The following CACNA1B variants were observed in gnomAD, a reference collection of about 807,000 sequenced individuals.
The protein encoded by CACNA1B is calcium voltage-gated channel subunit alpha1 B.
In CACNA1B, 70 loss-of-function variants were observed where a neutral mutation model predicts 247.2. The observed-to-expected ratio is 0.28, with a 90% CI of 0.23 to 0.35. The LOEUF is 0.35. Among genes scored for constraint, CACNA1B ranks in the 10% least tolerant of loss-of-function variants. The probability of loss-of-function intolerance (pLI) is 1.00; values close to 1 mark genes in which losing one functional copy is unlikely to be tolerated. For missense variants in CACNA1B, 2,367 were observed against 3,197.4 expected, an observed-to-expected ratio of 0.74 and a Z score of 6.26; for synonymous variants, 1,231 against 1,294.4, an observed-to-expected ratio of 0.95 and a Z score of 1.05.
rs575560624 is a variant in CACNA1B at position 138,117,395 on chromosome 9, T to C, written c.5778-551T>C. On this transcript the variant is annotated intron_variant, in intron 42 of 46. Transcript: ENST00000371372. Reference sequence around the variant, plus strand: ...CCCGGGCGAGGCCCCCTACCCCCCGTCCCAGCCCGTCCCCTCCATGACAGC... The same window carrying C: ...CCCGGGCGAGGCCCCCTACCCCCCGCCCCAGCCCGTCCCCTCCATGACAGC... 4.6e-5 allele frequency among the ~76,000 whole-genome samples: 7 copies of C among 151,924 alleles called. No individual in the cohort carries two copies. In the South Asian group the frequency reaches 1.5e-3, roughly 32 times the overall value.
rs202245949 is a variant in CACNA1B, at chr9:138,023,329, G to A, written c.2586G>A (p.Ala862=). 305 of 1,504,186 alleles carry A rather than the reference G, an allele frequency of 2.0e-4. No homozygotes were observed. Among genetic ancestry groups the A allele is most frequent in the Non-Finnish European group, 2.6e-4 (294 of 1,135,054 alleles). The allele number at this position is 1,504,186 out of a possible 1,614,324, so 93.2% of individuals were successfully genotyped here. The stretch of plus-strand genomic sequence containing the variant: ...ACCGCGACAAGGACAAGACCCCCGC[G>A]GCGGGGGACCAGGACCGAGCAGAGG... ...HRHRDKDKTP[A]AGDQDRAEAP... is the part of the protein sequence containing the mutation. Residue 862 remains alanine (A), a synonymous_variant, in exon 19 of 47, where the codon GCG becomes GCA. Coordinates refer to ENST00000371372, the MANE Select transcript of CACNA1B (RefSeq NM_000718.4).
At chr9:137,920,912 G>A (rs970781744) in intron 6 of CACNA1B, among the ~76,000 whole-genome samples, 2 of 152,194 alleles carry the variant, frequency 1.3e-5, no homozygotes, top group African/African-American at 4.8e-5. Context: ...ACTTAGTTTT[G>A]TTATAGCAGA....
intron 38 of CACNA1B, among the ~76,000 whole-genome samples, chr9:138,105,477 C>T (rs940400862): frequency 6.6e-6 from 1 of 152,318 alleles, no homozygotes; most frequent in Admixed American, 6.5e-5. Context: ...TACTTTTCTG[C>T]AGCCAGGAGG....
chr9:137,988,765 C>A (rs1329406046), intron 15 of CACNA1B, among the ~76,000 whole-genome samples: 1 of 152,030 alleles, frequency 6.6e-6, no homozygotes, highest in Non-Finnish European at 1.5e-5. Flanking sequence ...TGGCTCAGCC[C>A]CCTCTGAGCA....
rs773469634 is a variant in CACNA1B at position 138,073,450 on chromosome 9, G to A, written c.4675-38G>A. 31 of 1,327,970 alleles carry A rather than the reference G, an allele frequency of 2.3e-5. No individual in the cohort carries two copies. The highest frequency in any genetic ancestry group is 3.3e-5 in the Non-Finnish European group (30 of 920,444). 82.3% of individuals were successfully genotyped at this position (1,327,970 alleles called of 1,614,324 possible). A position where few individuals can be genotyped will look rare whatever the true frequency, so the allele number is the denominator to read the frequency against. ...GCAGCAGCTTGCCTGCGCTTTCGGG[G>A]CTTCTGAAGGTCAGAGAACAATTCC... On this transcript the variant is annotated intron_variant, in intron 32 of 46. Transcript: ENST00000371372. This position sits in a 1 kb window ranked among gnomAD's most constrained non-coding sequence, Gnocchi z 6.4.
intron 31 of CACNA1B, among the ~76,000 whole-genome samples, chr9:138,066,576 A>G (rs1312068962): frequency 1.3e-5 from 2 of 152,242 alleles, no homozygotes; most frequent in Admixed American, 1.3e-4. Context: ...GAGCGATCAC[A>G]GGGCCTGTGT....
At position 138,023,444 on chromosome 9, in the gene CACNA1B, G is replaced by A. The variant is rs1958876283; in HGVS notation, c.2701G>A (p.Glu901Lys). The A allele has an allele frequency of 2.4e-6, 3 of 1,241,788 alleles. No individual in the cohort carries two copies. The highest frequency in any genetic ancestry group is 3.0e-6 in the Non-Finnish European group (3 of 995,354). The allele number at this position is 1,241,788 out of a possible 1,614,324, so 76.9% of individuals were successfully genotyped here. A position where few individuals can be genotyped will look rare whatever the true frequency, so the allele number is the denominator to read the frequency against. ...SHSKEAAGPP[E>K]ARSERGRGPG... The stretch of plus-strand genomic sequence containing the variant: ...CAGCAAGGAGGCCGCGGGGCCCCCG[G>A]AGGCGCGGAGCGAGCGCGGCCGAGG... Residue 901 changes from glutamate to lysine, a missense_variant, in exon 19 of 47, where the codon GAG becomes AAG. Physicochemically the swap from Glu to Lys is moderately conservative, Grantham distance 56. This residue lies in a region of CACNA1B where 631 missense variants were observed against 631.1 expected (regional missense o/e 1.00). Coordinates refer to ENST00000371372, the MANE Select transcript of CACNA1B (RefSeq NM_000718.4).
chr9:138,109,848 A>G (rs1961562392), intron 39 of CACNA1B, among the ~76,000 whole-genome samples: 1 of 152,202 alleles, frequency 6.6e-6, no homozygotes, highest in South Asian at 2.1e-4. Flanking sequence ...AAGCAGGCGG[A>G]TTACCTGAGG....
chr9:137,978,924 G>T (rs1478101253), intron 12 of CACNA1B, among the ~76,000 whole-genome samples: 1 of 152,200 alleles, frequency 6.6e-6, no homozygotes, highest in Non-Finnish European at 1.5e-5. Context: ...GAGACATGGA[G>T]ACCTGTGATT....
rs1307470614 is a variant in CACNA1B, at chr9:138,058,039, C to A, written c.4107-10C>A. ...GGGTTCCCCTGACACTTGCTCTCCTCTTTGCCCAGGGTGCTGAAACACTCC... is the reference window on the plus strand; with the variant it reads ...GGGTTCCCCTGACACTTGCTCTCCTATTTGCCCAGGGTGCTGAAACACTCC... On this transcript the variant is annotated splice_polypyrimidine_tract_variant and intron_variant, in intron 27 of 46. Transcript: ENST00000371372. This position sits in a 1 kb window ranked among gnomAD's most constrained non-coding sequence, Gnocchi z 4.7. The A allele has an allele frequency of 1.9e-6, 3 of 1,612,348 alleles. No individual in the cohort carries two copies. The African/African-American group carries it at 4.0e-5, about 22-fold the overall frequency.
At chr9:137,993,608 TA>T (rs1486673010) in intron 15 of CACNA1B, among the ~76,000 whole-genome samples, 1 of 152,148 alleles carries the variant, frequency 6.6e-6, no homozygotes, top group Non-Finnish European at 1.5e-5. Context: ...AGGAGATGGA[TA>T]AATTCCTGAA....
Position 138,043,920 on chromosome 9 carries a change from G to A in CACNA1B, c.3413+20G>A, listed in dbSNP as rs1564255356. 1 of 1,609,772 alleles carries A rather than the reference G, an allele frequency of 6.2e-7. No individual in the cohort carries two copies. Among genetic ancestry groups the A allele is most frequent in the South Asian group, 1.1e-5 (1 of 90,916 alleles). On this transcript the variant is annotated intron_variant, in intron 21 of 46. Coordinates refer to ENST00000371372, the MANE Select transcript of CACNA1B (RefSeq NM_000718.4). ...CAACCTGTGAGTCTCCTTGCCTGCT[G>A]GTGTGTGTGGCCGCCCACTCACCCA...
intron 1 of CACNA1B, among the ~76,000 whole-genome samples, chr9:137,878,451 G>A (rs901926384): frequency 1.3e-5 from 2 of 152,110 alleles, no homozygotes; most frequent in Non-Finnish European, 2.9e-5. Flanking sequence ...TCCGCACGCC[G>A]GGTCCTGGGG....
chr9:137,960,116 CTACTCTCAG>C, intron 10 of CACNA1B, among the ~76,000 whole-genome samples: 1 of 128,088 alleles, frequency 7.8e-6, no homozygotes, highest in African/African-American at 3.0e-5. Flanking sequence ...GCCTGAGGAA[CTACTCTCAG>C]GCCGACCTGG....
chr9:138,075,999 G>A, intron 35 of CACNA1B, 89 bp downstream of exon 35: 1 of 839,956 alleles, frequency 1.2e-6, no homozygotes, highest in South Asian at 1.5e-5. Context: ...GTCAACCGTG[G>A]AGACCACCCA....
At chr9:137,951,263 G>A (rs1957874897) in intron 6 of CACNA1B, among the ~76,000 whole-genome samples, 1 of 152,272 alleles carries the variant, frequency 6.6e-6, no homozygotes, top group South Asian at 2.1e-4. Flanking sequence ...TCAGGGGCCA[G>A]CCTGGAATCA....
chr9:137,949,110 GC>G (rs1564203166), intron 6 of CACNA1B, among the ~76,000 whole-genome samples: 47 of 4,612 alleles, frequency 0.01, no homozygotes, highest in African/African-American at 0.012. Flanking sequence ...GTTTGTGGTG[GC>G]TGTGTGTCCA....
intron 19 of CACNA1B, among the ~76,000 whole-genome samples, chr9:138,024,214 A>G (rs1958891193): frequency 6.6e-6 from 1 of 152,188 alleles, no homozygotes; most frequent in South Asian, 2.1e-4. Context: ...GGGAAGCCTG[A>G]GCAGGCCAGT....
intron 6 of CACNA1B, among the ~76,000 whole-genome samples, chr9:137,937,347 G>A (rs534584074): frequency 1.1e-4 from 16 of 152,122 alleles, no homozygotes; most frequent in African/African-American, 1.7e-4. Flanking sequence ...TTCAGAGCTC[G>A]AAGACAAGGT....
Sources: gnomAD v4.1 joint callset for allele counts (sites outside exome capture counted in the v4.1 genomes callset) on GRCh38, gnomAD v4.1.1 for gene constraint, gnomAD v4.1.1 regional missense constraint, Gnocchi (gnomAD v3.1) non-coding constraint, MANE v1.5 for transcripts, NCBI Gene and HGNC (gene_info 2026-07-23, HGNC 2026-07-21) for gene names.